The following AFF3 variants were observed in gnomAD, a reference collection of about 807,000 sequenced individuals.
AFF3 encodes AF4/FMR2 family member 3.
AFF3 carries 32 observed loss-of-function variants against 129.7 expected under a neutral mutation model. That is an observed-to-expected ratio of 0.25 (90% confidence interval 0.19 to 0.33). AFF3 has a LOEUF of 0.33. Ranked by LOEUF, AFF3 falls within the 10% of genes least tolerant of loss-of-function variation. The pLI is 1.00. For missense variants in AFF3, 1,373 were observed against 1,592.0 expected, an observed-to-expected ratio of 0.86 and a Z score of 2.34; for synonymous variants, 644 against 635.4, an observed-to-expected ratio of 1.01 and a Z score of -0.20.
At chr2:99,618,224 CTTTTTTTTTTTT>C (rs70940180) in intron 13 of AFF3, among the ~76,000 whole-genome samples, 27 of 80,080 alleles carry the variant, frequency 3.4e-4, no homozygotes, top group Admixed American at 2.3e-3. Flanking sequence ...TCATAACATT[CTTTTTTTTTTTT>C]TTTTTTTTTT....
chr2:99,851,499 A>C (rs1445515792), intron 7 of AFF3, among the ~76,000 whole-genome samples: 1 of 152,182 alleles, frequency 6.6e-6, no homozygotes. Context: ...ACTTTGTCTC[A>C]TACTCCGAGC....
rs573876296 is a variant in AFF3 at position 99,554,167 on chromosome 2, C to T, written c.3559+144G>A. Reference sequence around the variant, plus strand: ...AGGGTGTTTTTGAACTAGTTAGTGACATGAGAAAATGCCTGATATAATGTC... The same window carrying T: ...AGGGTGTTTTTGAACTAGTTAGTGATATGAGAAAATGCCTGATATAATGTC... On this transcript the variant is annotated intron_variant, in intron 24 of 24. Transcript: ENST00000672756. 2.0e-4 allele frequency: 165 copies of T among 833,682 alleles called. 1 individual carries two copies. In the East Asian group the frequency reaches 4.4e-3, roughly 22 times the overall value. 51.6% of individuals were successfully genotyped at this position (833,682 alleles called of 1,614,324 possible).
At chr2:100,029,663 TG>T (rs1684328791) in intron 4 of AFF3, among the ~76,000 whole-genome samples, 1 of 151,868 alleles carries the variant, frequency 6.6e-6, no homozygotes, top group Non-Finnish European at 1.5e-5. Flanking sequence ...ATGCAGGGAG[TG>T]GGAAAACAGC....
chr2:99,869,562 A>G lies in AFF3; in HGVS notation c.874-32038T>C, dbSNP rs371227508. On this transcript the variant is annotated intron_variant, in intron 7 of 24. Transcript: ENST00000672756. Reference sequence around the variant, plus strand: ...TGGGGACTTCACAGGACTTTGACTGATAAGTAATATTGAAAAATAATTACT... The same window carrying G: ...TGGGGACTTCACAGGACTTTGACTGGTAAGTAATATTGAAAAATAATTACT... Among the ~76,000 whole-genome samples, 274 of 152,336 alleles carry G rather than the reference A, an allele frequency of 1.8e-3. 11 individuals carry two copies. The South Asian group carries it at 0.054, about 30-fold the overall frequency.
chr2:100,127,188 A>G (rs893033158), intron 2 of AFF3, among the ~76,000 whole-genome samples: 6 of 152,200 alleles, frequency 3.9e-5, no homozygotes, highest in Non-Finnish European at 1.5e-5. Flanking sequence ...CTAGGTGTTT[A>G]GTGTCCATGA....
intron 11 of AFF3, among the ~76,000 whole-genome samples, chr2:99,675,173 G>T (rs1558733800): frequency 1.3e-5 from 2 of 152,120 alleles, no homozygotes; most frequent in African/African-American, 2.4e-5. Flanking sequence ...TGAATTTATT[G>T]TGTTTCCGGC....
intron 7 of AFF3, among the ~76,000 whole-genome samples, chr2:99,925,759 A>C (rs1696193426): frequency 6.6e-6 from 1 of 152,348 alleles, no homozygotes; most frequent in East Asian, 1.9e-4. Context: ...TGCTGCATAC[A>C]AGAACATGAT....
chr2:99,591,185 T>TTTTA (rs1347091339), intron 15 of AFF3, among the ~76,000 whole-genome samples: 1 of 152,028 alleles, frequency 6.6e-6, no homozygotes, highest in African/African-American at 2.4e-5. Context: ...TTATTTTTTA[T>TTTTA]TTTATTTATT....
At chr2:99,783,324 A>G (rs1458047904) in intron 8 of AFF3, among the ~76,000 whole-genome samples, 1 of 152,210 alleles carries the variant, frequency 6.6e-6, no homozygotes, top group East Asian at 1.9e-4. Context: ...CTCCTCTTCT[A>G]GAGCCTGCCT....
intron 4 of AFF3, among the ~76,000 whole-genome samples, chr2:100,041,515 G>T (rs1028965020): frequency 4.6e-5 from 7 of 151,872 alleles, no homozygotes; most frequent in Non-Finnish European, 1.0e-4. Flanking sequence ...CATTAGAAAA[G>T]CCCCCACGTG....
At chr2:99,575,306 T>C (rs1275067666) in intron 18 of AFF3, among the ~76,000 whole-genome samples, 1 of 152,124 alleles carries the variant, frequency 6.6e-6, no homozygotes, top group Non-Finnish European at 1.5e-5. Flanking sequence ...GTTGCCCAGA[T>C]TGGAGTGCAA....
intron 11 of AFF3, among the ~76,000 whole-genome samples, chr2:99,693,296 T>G (rs1409825637): frequency 6.6e-6 from 1 of 152,246 alleles, no homozygotes; most frequent in African/African-American, 2.4e-5. Flanking sequence ...TAAATGTGAC[T>G]GTACAAGAAA....
chr2:99,914,823 G>A lies in AFF3; in HGVS notation c.874-77299C>T, dbSNP rs149801817. Among the ~76,000 whole-genome samples, 1,287 of 152,206 alleles carry A rather than the reference G, an allele frequency of 8.5e-3. 24 individuals carry two copies. The highest frequency in any genetic ancestry group is 0.029 in the African/African-American group (1,217 of 41,526). On this transcript the variant is annotated intron_variant, in intron 7 of 24. Coordinates refer to ENST00000672756, the MANE Select transcript of AFF3 (RefSeq NM_001386135.1). ...TAATCCCAGCTACTCAGGAGGCTGA[G>A]GCAGGAGAATCGCTTGAACCCAGGA... is the stretch of plus-strand genomic sequence containing the variant.
At chr2:99,877,295 G>A (rs879457713) in intron 7 of AFF3, among the ~76,000 whole-genome samples, 3 of 152,156 alleles carry the variant, frequency 2.0e-5, no homozygotes, top group East Asian at 3.9e-4. Flanking sequence ...AGATGTAATC[G>A]GTATGAAGGG....
intron 11 of AFF3, among the ~76,000 whole-genome samples, chr2:99,710,204 C>G (rs1247767199): frequency 6.6e-6 from 1 of 152,178 alleles, no homozygotes; most frequent in Non-Finnish European, 1.5e-5. Flanking sequence ...CACTATTACC[C>G]TTATTTTTAT....
intron 4 of AFF3, among the ~76,000 whole-genome samples, chr2:100,099,970 A>C: frequency 7.3e-6 from 1 of 136,978 alleles, no homozygotes; most frequent in East Asian, 2.2e-4. Context: ...AAGCATTTGA[A>C]AGTCACTGCC....
At chr2:100,055,069 C>T (rs1432996410) in intron 4 of AFF3, among the ~76,000 whole-genome samples, 1 of 152,128 alleles carries the variant, frequency 6.6e-6, no homozygotes, top group Admixed American at 6.5e-5. Flanking sequence ...TTTTGGGTTT[C>T]CTGGTTATCA....
intron 8 of AFF3, among the ~76,000 whole-genome samples, chr2:99,811,128 CAT>C (rs1395523995): frequency 4.6e-5 from 7 of 152,214 alleles, no homozygotes; most frequent in Non-Finnish European, 8.8e-5. Flanking sequence ...CTGCCTACCA[CAT>C]GTGTGTCTGG....
chr2:99,994,005 C>T (rs1364492414), intron 7 of AFF3, among the ~76,000 whole-genome samples: 1 of 151,416 alleles, frequency 6.6e-6, no homozygotes. Context: ...GGGGTTTCAC[C>T]GTGTTGGCCA....
Sources: allele counts gnomAD v4.1 joint callset (sites outside exome capture counted in the v4.1 genomes callset), GRCh38; gene constraint gnomAD v4.1.1; transcripts MANE v1.5; gene names NCBI Gene and HGNC (gene_info 2026-07-23, HGNC 2026-07-21).